The following PTPRA variants were observed in gnomAD, a reference collection of about 807,000 sequenced individuals.
The protein encoded by PTPRA is receptor-type tyrosine-protein phosphatase alpha.
In PTPRA, 25 loss-of-function variants were observed where a neutral mutation model predicts 104.8. That is an observed-to-expected ratio of 0.24 (90% CI 0.17 to 0.33). The LOEUF (loss-of-function observed/expected upper bound fraction) is 0.33, where lower values mean the gene tolerates loss of function less well. Among genes scored for constraint, PTPRA ranks in the 10% least tolerant of loss-of-function variants. PTPRA has a pLI of 1.00. For missense variants in PTPRA, 765 were observed against 1,015.3 expected, an observed-to-expected ratio of 0.75 and a Z score of 3.35; for synonymous variants, 323 against 368.9, an observed-to-expected ratio of 0.88 and a Z score of 1.43.
At chr20:2,934,011 T>A (rs1284958834) in intron 2 of PTPRA, among the ~76,000 whole-genome samples, 1 of 152,240 alleles carries the variant, frequency 6.6e-6, no homozygotes, top group Admixed American at 6.5e-5. Context: ...GTTATTTATA[T>A]ACTTAAAACT....
In PTPRA at chr20:3,013,120, CAGTGTCTAAATACA is replaced by C. The variant is rs2064255789; in HGVS notation, c.907-2727_907-2714del. ...ACATTGCTCACCCCAAAAAGAACCT[CAGTGTCTAAATACA>C]ATTAATCTCCATTCTCACCCCCCGG... On this transcript the variant is annotated intron_variant, in intron 11 of 23. Coordinates refer to ENST00000399903, the MANE Select transcript of PTPRA (RefSeq NM_001385305.1). Among the ~76,000 whole-genome samples the C allele has an allele frequency of 3.9e-5, 6 of 152,098 alleles. 1 individual carries two copies. In the South Asian group the frequency reaches 1.2e-3, roughly 32 times the overall value.
intron 1 of PTPRA, among the ~76,000 whole-genome samples, chr20:2,880,975 TC>T (rs1190364706): frequency 6.6e-6 from 1 of 151,402 alleles, no homozygotes; most frequent in Non-Finnish European, 1.5e-5. Context: ...ACCACTGTAC[TC>T]CAGCCTGGGG....
At chr20:3,003,811 G>T (rs1270699220) in intron 9 of PTPRA, among the ~76,000 whole-genome samples, 6 of 150,620 alleles carry the variant, frequency 4.0e-5, no homozygotes, top group Non-Finnish European at 7.4e-5. Flanking sequence ...CTCCCAAAGT[G>T]CTGGGATTAC....
rs146974588 is a variant in PTPRA, at chr20:2,989,746, G to A, written c.738+1272G>A. The stretch of plus-strand genomic sequence containing the variant: ...TTGAAAAAATGACTCAGCTGGGCAC[G>A]GTGGCTCACGCCTGTAATCCCAGCA... On this transcript the variant is annotated intron_variant, in intron 9 of 23. Transcript: ENST00000399903. 8.5e-5 allele frequency among the ~76,000 whole-genome samples: 13 copies of A among 152,282 alleles called. No individual in the cohort carries two copies. In the East Asian group the frequency reaches 1.2e-3, roughly 14 times the overall value.
chr20:2,925,866 T>A (rs555428819), intron 2 of PTPRA, among the ~76,000 whole-genome samples: 1 of 152,112 alleles, frequency 6.6e-6, no homozygotes, highest in South Asian at 2.1e-4. Flanking sequence ...TACAAACATC[T>A]GTTCGAGTCC....
intron 6 of PTPRA, among the ~76,000 whole-genome samples, chr20:2,981,541 G>A (rs1049929655): frequency 1.3e-5 from 2 of 152,176 alleles, no homozygotes; most frequent in Admixed American, 6.5e-5. Context: ...GAATTGTATA[G>A]CCCAAAATGT....
chr20:3,002,746 A>G (rs1261859586), intron 9 of PTPRA, among the ~76,000 whole-genome samples: 1 of 152,166 alleles, frequency 6.6e-6, no homozygotes, highest in Non-Finnish European at 1.5e-5. Context: ...ATAACAAGTA[A>G]TTCTTTAACA....
At chr20:2,896,021 T>C (rs2058984252) in intron 1 of PTPRA, among the ~76,000 whole-genome samples, 1 of 152,186 alleles carries the variant, frequency 6.6e-6, no homozygotes, top group Non-Finnish European at 1.5e-5. Flanking sequence ...TATTTTCAAA[T>C]AGGTTTTTTC....
At chr20:2,922,045 A>G (rs972537821) in intron 1 of PTPRA, among the ~76,000 whole-genome samples, 12 of 152,274 alleles carry the variant, frequency 7.9e-5, no homozygotes, top group African/African-American at 2.9e-4. Flanking sequence ...CCTCCCTGCT[A>G]TTAGTTGTGA....
chr20:3,016,920 C>T (rs1053472546), intron 12 of PTPRA, among the ~76,000 whole-genome samples: 6 of 152,158 alleles, frequency 3.9e-5, no homozygotes, highest in Admixed American at 2.6e-4. Context: ...AGACGTGTAC[C>T]CACATATCCT....
Position 2,991,681 on chromosome 20 carries a change from G to A in PTPRA, c.738+3207G>A, listed in dbSNP as rs372123954. 7.9e-4 allele frequency among the ~76,000 whole-genome samples: 120 copies of A among 152,230 alleles called. 1 individual carries two copies. The highest frequency in any genetic ancestry group is 2.4e-3 in the African/African-American group (99 of 41,526). ...TCCTGGAGGCATGACAGGTAAATTC[G>A]GATAGATATTGTGGTGAGAGCCATT... On this transcript the variant is annotated intron_variant, in intron 9 of 23. Coordinates refer to ENST00000399903, the MANE Select transcript of PTPRA (RefSeq NM_001385305.1).
chr20:2,881,993 G>C (rs1190262674), intron 1 of PTPRA, among the ~76,000 whole-genome samples: 1 of 152,044 alleles, frequency 6.6e-6, no homozygotes, highest in Non-Finnish European at 1.5e-5. Context: ...GAGCGAGACT[G>C]TTTCAGGGGA....
chr20:2,974,336 A>C (rs2062330753), intron 5 of PTPRA, among the ~76,000 whole-genome samples: 1 of 149,212 alleles, frequency 6.7e-6, no homozygotes, highest in South Asian at 2.1e-4. Flanking sequence ...TGCAACCTCT[A>C]CCCTCCCAGG....
chr20:2,951,571 T>G (rs572417410), intron 3 of PTPRA, among the ~76,000 whole-genome samples: 1 of 152,304 alleles, frequency 6.6e-6, no homozygotes, highest in East Asian at 1.9e-4. Context: ...ACTCGGGACA[T>G]CCCTATGCTG....
At chr20:2,968,355 G>A (rs2062020376) in intron 5 of PTPRA, among the ~76,000 whole-genome samples, 1 of 151,922 alleles carries the variant, frequency 6.6e-6, no homozygotes, top group Admixed American at 6.6e-5. Flanking sequence ...TTTATCATCA[G>A]TATCCTGAAA....
At chr20:2,975,106 A>C in intron 5 of PTPRA, 109 bp from the exon 6 acceptor site, 1 of 983,656 alleles carries the variant, frequency 1.0e-6, no homozygotes, top group African/African-American at 1.6e-5. Context: ...AGGATGCCTC[A>C]TGGAGGAAAG....
At chr20:2,986,624 A>G (rs1282831634) in intron 6 of PTPRA, 141 bp from the exon 7 acceptor site, 3 of 734,680 alleles carry the variant, frequency 4.1e-6, no homozygotes, top group Non-Finnish European at 7.2e-6. Context: ...GCACACTCAT[A>G]CTTTCTTCTC....
intron 1 of PTPRA, among the ~76,000 whole-genome samples, chr20:2,874,174 C>G (rs2146723243): frequency 6.6e-6 from 1 of 152,210 alleles, no homozygotes; most frequent in East Asian, 1.9e-4. Flanking sequence ...TCTTTCCCTT[C>G]AAGTCCACCT....
rs1180681994 is a variant in PTPRA, at chr20:3,030,676, C to CTTTTTTT, written c.1920+2856_1920+2862dup. Among the ~76,000 whole-genome samples the CTTTTTTT allele has an allele frequency of 3.5e-4, 24 of 67,732 alleles. 2 individuals are homozygous for CTTTTTTT. The highest frequency in any genetic ancestry group is 1.5e-3 in the East Asian group (3 of 1,944). The allele number at this position is 67,732 out of a possible 152,430, so 44.4% of individuals were successfully genotyped here. A position where few individuals can be genotyped will look rare whatever the true frequency, so the allele number is the denominator to read the frequency against. ...AAAAATTTTTAATTATCTCCCTCTG[C>CTTTTTTT]TTTTTTTTTTTTTTTTTTTTTTTTT... On this transcript the variant is annotated intron_variant, in intron 20 of 23. Coordinates refer to ENST00000399903, the MANE Select transcript of PTPRA (RefSeq NM_001385305.1).
Sources: allele counts gnomAD v4.1 joint callset (sites outside exome capture counted in the v4.1 genomes callset), GRCh38; gene constraint gnomAD v4.1.1; transcripts MANE v1.5; gene names NCBI Gene and HGNC (gene_info 2026-07-23, HGNC 2026-07-21).